Variants in RBMS1 observed in about 807,000 individuals in gnomAD.
RBMS1 encodes the protein RNA binding motif single stranded interacting protein 1, also known as RNA-binding motif, single-stranded-interacting protein 1.
Under a neutral mutation model 62.3 loss-of-function variants are expected in RBMS1, and 17 were observed. The observed-to-expected ratio is 0.27, with a 90% CI of 0.19 to 0.41. The LOEUF is 0.41. RBMS1 is among the 10% of genes least tolerant of loss of function. The pLI is 1.00. For synonymous variants in RBMS1, 172 were observed against 170.0 expected, an observed-to-expected ratio of 1.01 and a Z score of -0.09; for missense variants, 334 against 504.5, an observed-to-expected ratio of 0.66 and a Z score of 3.24.
intron 3 of RBMS1, among the ~76,000 whole-genome samples, chr2:160,317,584 T>C (rs1690294411): frequency 6.6e-6 from 1 of 152,090 alleles, no homozygotes; most frequent in Non-Finnish European, 1.5e-5. Flanking sequence ...TGCATCAAAT[T>C]AATGCAGCAG....
rs190029842 is a variant in RBMS1, at chr2:160,379,573, A to G, written c.76-12182T>C. Among the ~76,000 whole-genome samples the G allele has an allele frequency of 3.3e-4, 50 of 152,344 alleles. No homozygotes were observed. The East Asian group carries it at 8.3e-3, about 25-fold the overall frequency. On this transcript the variant is annotated intron_variant, in intron 1 of 13. Coordinates refer to ENST00000348849, the MANE Select transcript of RBMS1 (RefSeq NM_016836.4). ...TCTTCTGAAGCAGATAAATTGAAGT[A>G]GAACGTCATTCTGTGGTAAGCAGGA...
chr2:160,350,023 C>T (rs1032512850), intron 2 of RBMS1, among the ~76,000 whole-genome samples: 11 of 151,848 alleles, frequency 7.2e-5, no homozygotes, highest in Admixed American at 2.6e-4. Flanking sequence ...GTGTAAGGCA[C>T]GTGGAAGGCC....
chr2:160,361,862 C>A (rs985482752), intron 2 of RBMS1, among the ~76,000 whole-genome samples: 3 of 152,184 alleles, frequency 2.0e-5, no homozygotes, highest in Non-Finnish European at 4.4e-5. Flanking sequence ...AAAGTGTTAA[C>A]AATCATCTGA....
At chr2:160,407,545 C>T in intron 1 of RBMS1, 1 of 985,860 alleles carries the variant, frequency 1.0e-6, no homozygotes, top group Non-Finnish European at 1.2e-6. Context: ...CTGCGGGCGG[C>T]GGCGGCGGGT....
chr2:160,491,328 G>A (rs1263322165), intron 1 of RBMS1, among the ~76,000 whole-genome samples: 1 of 152,192 alleles, frequency 6.6e-6, no homozygotes, highest in Admixed American at 6.5e-5. Flanking sequence ...TAGGATTTCA[G>A]ATTTAATTGT....
intron 1 of RBMS1, among the ~76,000 whole-genome samples, chr2:160,444,166 A>G (rs542259094): frequency 6.6e-6 from 1 of 152,306 alleles, no homozygotes; most frequent in African/African-American, 2.4e-5. Context: ...ATAAGAGTTA[A>G]GTGGGAAAAT....
At chr2:160,383,469 G>A (rs1694399252) in intron 1 of RBMS1, among the ~76,000 whole-genome samples, 1 of 147,990 alleles carries the variant, frequency 6.8e-6, no homozygotes, top group African/African-American at 2.5e-5. Context: ...GGGGGGAACT[G>A]ACCCACTACA....
intron 1 of RBMS1, among the ~76,000 whole-genome samples, chr2:160,407,232 G>C (rs1043729909): frequency 9.2e-5 from 14 of 151,996 alleles, no homozygotes; most frequent in Non-Finnish European, 1.9e-4. Flanking sequence ...CCGGCTCTCC[G>C]CTCCTGCCCC....
intron 7 of RBMS1, among the ~76,000 whole-genome samples, chr2:160,286,058 C>T (rs564571266): frequency 1.0e-3 from 153 of 151,998 alleles, no homozygotes; most frequent in Admixed American, 2.9e-3. Context: ...TTGCAGTGAG[C>T]GGAGATCGTG....
At chr2:160,327,951 A>G (rs1033768342) in intron 2 of RBMS1, among the ~76,000 whole-genome samples, 4 of 152,026 alleles carry the variant, frequency 2.6e-5, no homozygotes, top group African/African-American at 9.7e-5. Context: ...TCCCACCAAA[A>G]CCTGTAATGT....
intron 1 of RBMS1, among the ~76,000 whole-genome samples, chr2:160,420,726 G>A (rs1269677231): frequency 6.6e-6 from 1 of 152,048 alleles, no homozygotes; most frequent in Non-Finnish European, 1.5e-5. Flanking sequence ...AAATTATGAG[G>A]ACACATGCTC....
chr2:160,437,537 G>A (rs567681772), intron 1 of RBMS1, among the ~76,000 whole-genome samples: 1 of 152,360 alleles, frequency 6.6e-6, no homozygotes, highest in East Asian at 1.9e-4. Context: ...AGTAACAGAT[G>A]TTAAAATATG....
At chr2:160,380,530 A>G (rs533906259) in intron 1 of RBMS1, among the ~76,000 whole-genome samples, 24 of 152,358 alleles carry the variant, frequency 1.6e-4, no homozygotes, top group Non-Finnish European at 2.6e-4. Context: ...AAATGCAGGA[A>G]GAGGATACAC....
chr2:160,294,425 G>C (rs1368049592), intron 6 of RBMS1, among the ~76,000 whole-genome samples: 1 of 152,158 alleles, frequency 6.6e-6, no homozygotes, highest in Non-Finnish European at 1.5e-5. Context: ...TGGCTGGCAT[G>C]AGGGACCCAG....
chr2:160,313,786 T>C (rs974384134), intron 3 of RBMS1, among the ~76,000 whole-genome samples: 1 of 152,124 alleles, frequency 6.6e-6, no homozygotes, highest in African/African-American at 2.4e-5. Flanking sequence ...GTTAAAGATA[T>C]CATATTTATT....
rs576329189 is a variant in RBMS1 at position 160,282,465 on chromosome 2, A to T, written c.901-1101T>A. 124 of 473,146 alleles carry T rather than the reference A, an allele frequency of 2.6e-4. 1 individual carries two copies. Among genetic ancestry groups the T allele is most frequent in the African/African-American group, 1.2e-3 (63 of 50,764 alleles). 29.3% of individuals were successfully genotyped at this position (473,146 alleles called of 1,614,324 possible). A position where few individuals can be genotyped will look rare whatever the true frequency, so the allele number is the denominator to read the frequency against. Reference sequence around the variant, plus strand: ...TTAGTGGAGAAAGGCCCACTCCAACATGAGTGCAGGGCCCTCACTGGATAT... The same window carrying T: ...TTAGTGGAGAAAGGCCCACTCCAACTTGAGTGCAGGGCCCTCACTGGATAT... On this transcript the variant is annotated intron_variant, in intron 9 of 13. Transcript: ENST00000348849.
chr2:160,277,446 G>A, intron 11 of RBMS1, 63 bp from the exon 12 acceptor site: 1 of 1,278,532 alleles, frequency 7.8e-7, no homozygotes, highest in Non-Finnish European at 1.1e-6. Context: ...GAGTACGTGG[G>A]GGGATTGTGA....
intron 2 of RBMS1, among the ~76,000 whole-genome samples, chr2:160,319,739 T>G (rs1261848463): frequency 6.6e-6 from 1 of 152,156 alleles, no homozygotes; most frequent in Non-Finnish European, 1.5e-5. Context: ...TTTAAACCAT[T>G]GTGAATATTA....
chr2:160,349,471 G>A (rs1692365603), intron 2 of RBMS1, among the ~76,000 whole-genome samples: 1 of 151,904 alleles, frequency 6.6e-6, no homozygotes, highest in Non-Finnish European at 1.5e-5. Context: ...GCAAATCCTA[G>A]AGCCTTCATT....
Sources: allele counts gnomAD v4.1 joint callset (sites outside exome capture counted in the v4.1 genomes callset), GRCh38; gene constraint gnomAD v4.1.1; transcripts MANE v1.5; gene names NCBI Gene and HGNC (gene_info 2026-07-23, HGNC 2026-07-21).